The following INSR variants were observed in gnomAD, a reference collection of about 807,000 sequenced individuals.
The protein encoded by INSR is IR.
A neutral mutation model predicts 142.6 loss-of-function variants in INSR; 67 were observed. The observed-to-expected ratio is 0.47, with a 90% CI of 0.39 to 0.58. The LOEUF is 0.58. Among genes scored for constraint, INSR ranks in the 20% least tolerant of loss-of-function variants. The probability of loss-of-function intolerance (pLI) is 0.00; values close to 1 mark genes in which losing one functional copy is unlikely to be tolerated. For missense variants in INSR, 1,248 were observed against 1,833.2 expected, an observed-to-expected ratio of 0.68 and a Z score of 5.83; for synonymous variants, 756 against 743.1, an observed-to-expected ratio of 1.02 and a Z score of -0.28.
rs1224205387 is a variant in INSR at position 7,114,969 on chromosome 19, A to G, written c.*2087T>C. The G allele has an allele frequency of 6.6e-6, 1 of 152,028 alleles. No individual in the cohort carries two copies. Among genetic ancestry groups the G allele is most frequent in the Non-Finnish European group, 1.5e-5 (1 of 68,006 alleles). The allele number at this position is 152,028 out of a possible 1,614,324, so 9.4% of individuals were successfully genotyped here. ...TTACAAAATAAATTTGGCAAAAATA[A>G]TTTCTGTACTCTTGCTTCTTGTACC... On this transcript the variant is annotated 3_prime_UTR_variant, in exon 22 of 22. Transcript: ENST00000302850.
chr19:7,157,109 T>C (rs191569888), intron 9 of INSR, among the ~76,000 whole-genome samples: 1 of 152,312 alleles, frequency 6.6e-6, no homozygotes, highest in Admixed American at 6.5e-5. Context: ...GCCTCCCAAG[T>C]AGCTGGGACT....
chr19:7,191,568 A>G (rs1444111241), intron 2 of INSR, among the ~76,000 whole-genome samples: 1 of 152,052 alleles, frequency 6.6e-6, no homozygotes, highest in Non-Finnish European at 1.5e-5. Context: ...TTGTGCATGT[A>G]ATGGCACTTT....
At chr19:7,234,788 A>G (rs994753801) in intron 2 of INSR, among the ~76,000 whole-genome samples, 33 of 152,266 alleles carry the variant, frequency 2.2e-4, no homozygotes, top group African/African-American at 7.9e-4. Flanking sequence ...GGCCCGGCGC[A>G]GTGGCTCATG....
chr19:7,293,678 C>T (rs1279352161), intron 1 of INSR, 114 bp downstream of exon 1: 1 of 884,268 alleles, frequency 1.1e-6, no homozygotes, highest in African/African-American at 1.8e-5. Flanking sequence ...CTGGCCACCG[C>T]CCCCCGCCCC....
At chr19:7,198,906 G>A (rs1414743517) in intron 2 of INSR, among the ~76,000 whole-genome samples, 2 of 151,848 alleles carry the variant, frequency 1.3e-5, no homozygotes, top group African/African-American at 2.4e-5. Flanking sequence ...TTTTGGGGGG[G>A]GGGTCTCACT....
At chr19:7,172,993 A>G (rs1974054449) in intron 4 of INSR, among the ~76,000 whole-genome samples, 1 of 152,202 alleles carries the variant, frequency 6.6e-6, no homozygotes, top group South Asian at 2.1e-4. Flanking sequence ...GAACAAAGCC[A>G]TGCCTGCTAG....
chr19:7,216,197 AC>A lies in INSR; in HGVS notation c.653-31561del, dbSNP rs1975428008. ...AAATTAGCCAGGTGTGGTGGCGTGCACCTGTAATCCCAGCTACTTGGGAGGC... is the reference window on the plus strand; with the variant it reads ...AAATTAGCCAGGTGTGGTGGCGTGCACTGTAATCCCAGCTACTTGGGAGGC... On this transcript the variant is annotated intron_variant, in intron 2 of 21. Coordinates refer to ENST00000302850, the MANE Select transcript of INSR (RefSeq NM_000208.4). The surrounding 1 kb of genome is among the most constrained non-coding windows in gnomAD (Gnocchi z 4.2). 6.6e-6 allele frequency among the ~76,000 whole-genome samples: 1 copy of A among 151,988 alleles called. No individual in the cohort carries two copies. Among genetic ancestry groups the A allele is most frequent in the African/African-American group, 2.4e-5 (1 of 41,406 alleles).
chr19:7,158,440 G>A (rs112898170), intron 9 of INSR, among the ~76,000 whole-genome samples: 41 of 152,292 alleles, frequency 2.7e-4, no homozygotes, highest in African/African-American at 8.4e-4. Context: ...GGCGGAGCTT[G>A]CAGTGAGCCG....
At chr19:7,195,820 G>T (rs1012115598) in intron 2 of INSR, among the ~76,000 whole-genome samples, 2 of 151,708 alleles carry the variant, frequency 1.3e-5, no homozygotes, top group African/African-American at 4.8e-5. Context: ...TGAGACAACA[G>T]ATAAGATTAT....
At chr19:7,227,569 G>C (rs757277596) in intron 2 of INSR, among the ~76,000 whole-genome samples, 1 of 152,076 alleles carries the variant, frequency 6.6e-6, no homozygotes, top group Non-Finnish European at 1.5e-5. Context: ...CACTGCACCC[G>C]GTCAACATTT....
intron 8 of INSR, among the ~76,000 whole-genome samples, chr19:7,165,040 T>A (rs954668741): frequency 1.3e-5 from 2 of 152,006 alleles, no homozygotes; most frequent in African/African-American, 4.8e-5. Flanking sequence ...GGCAGGAGAA[T>A]CACTTGAACT....
rs368537021 is a variant in INSR at position 7,218,044 on chromosome 19, G to A, written c.653-33407C>T. ...CACTGTGGGAGGATGGGATGGTGAC[G>A]GAGATAGAAGAGTCCCTGCCTTGTG... is the stretch of plus-strand genomic sequence containing the variant. On this transcript the variant is annotated intron_variant, in intron 2 of 21. Transcript: ENST00000302850. Among the ~76,000 whole-genome samples the A allele has an allele frequency of 4.6e-5, 7 of 152,280 alleles. No individual in the cohort carries two copies. The East Asian group carries it at 5.8e-4, about 13-fold the overall frequency.
At chr19:7,118,070 C>A (rs953133316) in intron 21 of INSR, among the ~76,000 whole-genome samples, 2 of 151,884 alleles carry the variant, frequency 1.3e-5, no homozygotes, top group African/African-American at 4.8e-5. Context: ...TCCTGTCCAG[C>A]CTGAAAGATG....
chr19:7,267,768 T>C lies in INSR; in HGVS notation c.229A>G (p.Ser77Gly), dbSNP rs747157246. Residue 77 changes from serine (S) to glycine (G), a missense_variant, in exon 2 of 22, where the codon AGT becomes GGT. Ser to Gly is a moderately conservative substitution (Grantham distance 56). Coordinates refer to ENST00000302850, the MANE Select transcript of INSR (RefSeq NM_000208.4). This position sits in a 1 kb window ranked among gnomAD's most constrained non-coding sequence, Gnocchi z 6.3. ...GTGATCATGATGAGTTTGGGGAAAC[T>C]GAGGTCTCGGAAATCTTCGGGCCTC... Reference protein sequence around the residue: ...KTRPEDFRDLSFPKLIMITDY... With the variant: ...KTRPEDFRDLGFPKLIMITDY... 2 of 1,614,144 alleles carry C rather than the reference T, an allele frequency of 1.2e-6. No individual in the cohort carries two copies. The highest frequency in any genetic ancestry group is 4.5e-5 in the East Asian group (2 of 44,886).
At chr19:7,188,789 G>A (rs1338792049) in intron 2 of INSR, among the ~76,000 whole-genome samples, 1 of 147,368 alleles carries the variant, frequency 6.8e-6, no homozygotes, top group Non-Finnish European at 1.5e-5. Context: ...CAGTAGAATC[G>A]CTTGAACGCA....
intron 2 of INSR, among the ~76,000 whole-genome samples, chr19:7,238,568 C>T (rs1263929087): frequency 7.3e-6 from 1 of 136,606 alleles, no homozygotes; most frequent in Non-Finnish European, 1.5e-5. Flanking sequence ...TTGCAATGAG[C>T]TGAGATCACG....
chr19:7,219,813 T>C (rs1010210412), intron 2 of INSR, among the ~76,000 whole-genome samples: 2 of 152,202 alleles, frequency 1.3e-5, no homozygotes, highest in Non-Finnish European at 2.9e-5. Context: ...TCCCTTTCCT[T>C]TTCGCAGTCC....
intron 2 of INSR, among the ~76,000 whole-genome samples, chr19:7,256,223 A>C (rs1976886883): frequency 6.6e-6 from 1 of 152,162 alleles, no homozygotes; most frequent in African/African-American, 2.4e-5. Context: ...GGATCACCTG[A>C]GGTCAGGAGT....
Position 7,184,381 on chromosome 19 carries a change from C to T in INSR, c.909G>A (p.Gln303=), listed in dbSNP as rs9282757. 1.6e-3 allele frequency: 2,622 copies of T among 1,614,060 alleles called. 30 individuals are homozygous for T. The African/African-American group carries it at 0.029, about 18-fold the overall frequency. The change falls in exon 3 of 22, where the codon CAG becomes CAA. Residue 303 remains glutamine, a synonymous_variant. Coordinates refer to ENST00000302850, the MANE Select transcript of INSR (RefSeq NM_000208.4). ...TGCACTTGTTGTTGTGAATGACGTA[C>T]TGGTGGCAGCCCTGCCTCCGCGAGT... The part of the protein sequence containing the change: ...CKNSRRQGCH[Q]YVIHNNKCIP...
Sources: gnomAD v4.1 joint callset for allele counts (sites outside exome capture counted in the v4.1 genomes callset) on GRCh38, gnomAD v4.1.1 for gene constraint, Gnocchi (gnomAD v3.1) non-coding constraint, MANE v1.5 for transcripts, NCBI Gene and HGNC (gene_info 2026-07-23, HGNC 2026-07-21) for gene names.